RNF138: variants seen among roughly 807,000 people sequenced by gnomAD.
RNF138 encodes ring finger protein 138.
A neutral mutation model predicts 31.0 loss-of-function variants in RNF138; 12 were observed. The ratio of observed to expected loss-of-function variants is 0.39; its 90% confidence interval spans 0.25 to 0.63. The LOEUF (loss-of-function observed/expected upper bound fraction) is 0.63, where lower values mean the gene tolerates loss of function less well. Ranked by LOEUF, RNF138 falls within the 20% of genes least tolerant of loss-of-function variation. The pLI is 0.52. For missense variants in RNF138, 192 were observed against 300.1 expected, an observed-to-expected ratio of 0.64 and a Z score of 2.66; for synonymous variants, 105 against 99.5, an observed-to-expected ratio of 1.06 and a Z score of -0.33.
intron 4 of RNF138, among the ~76,000 whole-genome samples, chr18:32,120,329 T>C (rs894213306): frequency 6.6e-6 from 1 of 152,180 alleles, no homozygotes; most frequent in Non-Finnish European, 1.5e-5. Flanking sequence ...GTTCCAGATA[T>C]TCTGATATCT....
intron 2 of RNF138, among the ~76,000 whole-genome samples, chr18:32,105,527 A>C (rs1272119206): frequency 6.6e-6 from 1 of 152,218 alleles, no homozygotes; most frequent in Non-Finnish European, 1.5e-5. Context: ...GGTGGCTTTG[A>C]TCAGTAAGAT....
chr18:32,120,046 G>A (rs2040278852), intron 4 of RNF138, among the ~76,000 whole-genome samples: 1 of 152,018 alleles, frequency 6.6e-6, no homozygotes, highest in South Asian at 2.1e-4. Context: ...TAAACCTAAT[G>A]TTCTATATAA....
At chr18:32,105,429 G>A (rs2040012881) in intron 2 of RNF138, among the ~76,000 whole-genome samples, 1 of 152,140 alleles carries the variant, frequency 6.6e-6, no homozygotes, top group Non-Finnish European at 1.5e-5. Context: ...TAAATGACTA[G>A]AATATACTAC....
At chr18:32,106,740 A>G (rs768711232) in intron 2 of RNF138, among the ~76,000 whole-genome samples, 28 of 151,330 alleles carry the variant, frequency 1.9e-4, no homozygotes, top group Non-Finnish European at 3.7e-4. Flanking sequence ...AATTTTTTGT[A>G]TTTTTAGTAG....
At chr18:32,123,664 T>TC in intron 5 of RNF138, 90 bp downstream of exon 5, 1 of 954,152 alleles carries the variant, frequency 1.0e-6, no homozygotes, top group Non-Finnish European at 1.5e-6. Flanking sequence ...TTTTTTTTTT[T>TC]TTTTTGAGAC....
chr18:32,130,554 T>G lies in RNF138; in HGVS notation c.*1367T>G, dbSNP rs530912312. The G allele has an allele frequency of 6.6e-6, 1 of 152,466 alleles. No homozygotes were observed. Among genetic ancestry groups the G allele is most frequent in the Non-Finnish European group, 1.5e-5 (1 of 67,890 alleles). The allele number at this position is 152,466 out of a possible 1,614,324, so 9.4% of individuals were successfully genotyped here. A position where few individuals can be genotyped will look rare whatever the true frequency, so the allele number is the denominator to read the frequency against. The stretch of plus-strand genomic sequence containing the variant: ...TACATTGTTTATGCTTTCTTTAAAA[T>G]AACTAGAAGAACATAAAAGAAAGAG... On this transcript the variant is annotated 3_prime_UTR_variant, in exon 8 of 8. Transcript: ENST00000261593.
chr18:32,102,669 G>T, intron 2 of RNF138, among the ~76,000 whole-genome samples: 1 of 151,298 alleles, frequency 6.6e-6, no homozygotes, highest in Middle Eastern at 3.4e-3. Flanking sequence ...GTCTCCTTCC[G>T]TTGCCCAGGC....
chr18:32,119,528 A>C (rs1224941654), intron 4 of RNF138, among the ~76,000 whole-genome samples: 7 of 152,070 alleles, frequency 4.6e-5, no homozygotes, highest in African/African-American at 1.4e-4. Flanking sequence ...GGTTCAAGTG[A>C]TTCTTCTGCC....
At chr18:32,093,942 CTTTA>C (rs977136965) in intron 2 of RNF138, among the ~76,000 whole-genome samples, 3 of 152,138 alleles carry the variant, frequency 2.0e-5, no homozygotes, top group South Asian at 2.1e-4. Flanking sequence ...GCCTGGAAAT[CTTTA>C]TTTATTTATT....
At chr18:32,105,685 C>T (rs1471673025) in intron 2 of RNF138, among the ~76,000 whole-genome samples, 1 of 152,136 alleles carries the variant, frequency 6.6e-6, no homozygotes, top group African/African-American at 2.4e-5. Context: ...GTGGGGAATT[C>T]TTAAGACTGC....
At chr18:32,102,385 T>C (rs1016686975) in intron 2 of RNF138, among the ~76,000 whole-genome samples, 3 of 150,860 alleles carry the variant, frequency 2.0e-5, no homozygotes, top group African/African-American at 7.3e-5. Flanking sequence ...GTATTTTTAG[T>C]AGAGATGGGG....
At chr18:32,093,051 G>GGCCTTTTCCTCAGCCTCGGGGCC (rs2039731989) in intron 2 of RNF138, among the ~76,000 whole-genome samples, 165 bp downstream of exon 2, 1 of 151,628 alleles carries the variant, frequency 6.6e-6, no homozygotes, top group Non-Finnish European at 1.5e-5. Flanking sequence ...GTCCCGGGGC[G>GGCCTTTTCCTCAGCCTCGGGGCC]GCCTTTTCCT....
At chr18:32,102,938 G>T (rs368773507) in intron 2 of RNF138, among the ~76,000 whole-genome samples, 1 of 152,042 alleles carries the variant, frequency 6.6e-6, no homozygotes, top group Non-Finnish European at 1.5e-5. Context: ...GCCAATTTGG[G>T]ATTTTCTAAC....
intron 7 of RNF138, 55 bp from the exon 8 acceptor site, chr18:32,129,064 G>A: frequency 2.5e-6 from 3 of 1,192,918 alleles, no homozygotes; most frequent in African/African-American, 1.5e-5. Flanking sequence ...TTTGGGCAAA[G>A]TATTAGAGTA....
At position 32,111,686 on chromosome 18, in the gene RNF138, T is replaced by C. The variant is rs192101629; in HGVS notation, c.111-68T>C. The C allele has an allele frequency of 4.1e-6, 5 of 1,212,350 alleles. No homozygotes were observed. The East Asian group carries it at 1.0e-4, about 25-fold the overall frequency. 75.1% of individuals were successfully genotyped at this position (1,212,350 alleles called of 1,614,324 possible). ...GAATACATATTTATAATCACTTGTT[T>C]GTATTTAATTATAGAGATGAAGAGA... On this transcript the variant is annotated intron_variant, in intron 2 of 7. Coordinates refer to ENST00000261593, the MANE Select transcript of RNF138 (RefSeq NM_016271.5).
Position 32,101,011 on chromosome 18 carries a change from G to A in RNF138, c.110+8125G>A, listed in dbSNP as rs569678049. On this transcript the variant is annotated intron_variant, in intron 2 of 7. Transcript: ENST00000261593. ...GGATCAGATCTAGTGGGTGAGTATC[G>A]ATGACCCTTTCTTTAGGAAGTGATA... is the stretch of plus-strand genomic sequence containing the variant. Among the ~76,000 whole-genome samples the A allele has an allele frequency of 5.3e-5, 8 of 152,250 alleles. No individual in the cohort carries two copies. The South Asian group carries it at 1.7e-3, about 32-fold the overall frequency.
rs565420861 is a variant in RNF138 at position 32,110,840 on chromosome 18, G to A, written c.111-914G>A. On this transcript the variant is annotated intron_variant, in intron 2 of 7. Transcript: ENST00000261593. ...CTGTCGCCCAGGCTGGAGTGCAGTGGTGCAATCTCGGCTCACTGCAACCTC... is the reference window on the plus strand; with the variant it reads ...CTGTCGCCCAGGCTGGAGTGCAGTGATGCAATCTCGGCTCACTGCAACCTC... Among the ~76,000 whole-genome samples, 5 of 152,046 alleles carry A rather than the reference G, an allele frequency of 3.3e-5. No individual in the cohort carries two copies. The South Asian group carries it at 8.3e-4, about 25-fold the overall frequency.
chr18:32,121,366 A>C (rs949649906), intron 4 of RNF138, among the ~76,000 whole-genome samples: 1 of 150,804 alleles, frequency 6.6e-6, no homozygotes, highest in East Asian at 2.0e-4. Context: ...GTGGTGGTAC[A>C]TGCCGGTAAT....
chr18:32,104,799 TTAAGG>T (rs1489928487), intron 2 of RNF138, among the ~76,000 whole-genome samples: 1 of 152,136 alleles, frequency 6.6e-6, no homozygotes, highest in Non-Finnish European at 1.5e-5. Context: ...TTTAATAAAT[TTAAGG>T]TATCAATTTT....
Sources: allele counts gnomAD v4.1 joint callset (sites outside exome capture counted in the v4.1 genomes callset), GRCh38; gene constraint gnomAD v4.1.1; transcripts MANE v1.5; gene names NCBI Gene and HGNC (gene_info 2026-07-23, HGNC 2026-07-21).